Variants in RBFOX3 observed in about 807,000 individuals in gnomAD.
RBFOX3 encodes RNA binding protein fox-1 homolog 3.
A neutral mutation model predicts 48.7 loss-of-function variants in RBFOX3; 17 were observed. That is an observed-to-expected ratio of 0.35 (90% CI 0.24 to 0.52). The LOEUF is 0.52. Among genes scored for constraint, RBFOX3 ranks in the 20% least tolerant of loss-of-function variants. The pLI, the probability that RBFOX3 is intolerant of heterozygous loss-of-function variation, is 0.94. For synonymous variants in RBFOX3, 212 were observed against 209.5 expected, an observed-to-expected ratio of 1.01 and a Z score of -0.10; for missense variants, 382 against 497.5, an observed-to-expected ratio of 0.77 and a Z score of 2.21.
intron 4 of RBFOX3, among the ~76,000 whole-genome samples, chr17:79,138,731 A>ACGCACACAGCACG (rs1568206657): frequency 1.3e-5 from 1 of 79,056 alleles, no homozygotes; most frequent in African/African-American, 4.7e-5. Flanking sequence ...CCACACACGC[A>ACGCACACAGCACG]TGCACACAGC....
chr17:79,136,870 C>T (rs561753583), intron 4 of RBFOX3, among the ~76,000 whole-genome samples: 2 of 152,322 alleles, frequency 1.3e-5, no homozygotes, highest in East Asian at 1.9e-4. Flanking sequence ...CACCACCTGG[C>T]AGGGGCCACC....
chr17:79,181,132 G>A (rs1357087776), intron 4 of RBFOX3, among the ~76,000 whole-genome samples: 1 of 152,204 alleles, frequency 6.6e-6, no homozygotes. Flanking sequence ...CTCACATTCA[G>A]CCAGTGAGGA....
intron 5 of RBFOX3, 35 bp from the exon 6 acceptor site, chr17:79,106,823 C>G (rs1460406706): frequency 1.1e-5 from 16 of 1,486,442 alleles, no homozygotes; most frequent in African/African-American, 1.5e-5. Flanking sequence ...GAGGCTGCCT[C>G]TGTGTGCGGG....
At chr17:79,109,902 TG>T (rs2030219802) in intron 5 of RBFOX3, among the ~76,000 whole-genome samples, 1 of 151,746 alleles carries the variant, frequency 6.6e-6, no homozygotes, top group African/African-American at 2.4e-5. Flanking sequence ...GAGCCATGAG[TG>T]GGGCCAGGAC....
intron 14 of RBFOX3, among the ~76,000 whole-genome samples, chr17:79,093,790 G>GCCAC (rs1555681669): frequency 1.3e-5 from 1 of 76,486 alleles, no homozygotes; most frequent in Non-Finnish European, 2.7e-5. Context: ...TCAACAGCTG[G>GCCAC]CCACACACAC....
chr17:79,653,249 G>C, the RBFOX3 span, among the ~76,000 whole-genome samples: 1 of 152,128 alleles, frequency 6.6e-6, no homozygotes, highest in Non-Finnish European at 1.5e-5. Context: ...TCCTGGATGA[G>C]AGCCCTGCAG....
At chr17:79,463,792 C>T (rs1427504654) in intron 2 of RBFOX3, among the ~76,000 whole-genome samples, 5 of 151,466 alleles carry the variant, frequency 3.3e-5, no homozygotes, top group Admixed American at 1.3e-4. Context: ...CCTCCACCAC[C>T]ATCTCCACTG....
chr17:79,245,331 A>G (rs1175526588), intron 3 of RBFOX3, among the ~76,000 whole-genome samples: 1 of 152,170 alleles, frequency 6.6e-6, no homozygotes, highest in Non-Finnish European at 1.5e-5. Flanking sequence ...CGGTGGCCTC[A>G]CACAATTGGA....
chr17:79,194,989 T>C (rs1318682884), intron 4 of RBFOX3, among the ~76,000 whole-genome samples: 2 of 152,114 alleles, frequency 1.3e-5, no homozygotes, highest in Admixed American at 6.5e-5. Flanking sequence ...TATGCTTCTA[T>C]TGGGCAGCTC....
At chr17:79,144,247 G>A (rs1202024983) in intron 4 of RBFOX3, among the ~76,000 whole-genome samples, 3 of 152,236 alleles carry the variant, frequency 2.0e-5, no homozygotes, top group African/African-American at 7.2e-5. Context: ...CTGCTCTCGA[G>A]GCAGGATCCG....
chr17:79,520,376 G>A lies in RBFOX3; in HGVS notation c.-319-37778C>T, dbSNP rs1008381559. On this transcript the variant is annotated intron_variant, in intron 1 of 14. Transcript: ENST00000693108. The stretch of plus-strand genomic sequence containing the variant: ...CGGGGACAGCAGTGAGGACTAGAAG[G>A]AGCATGTCGGGCCAAGGCAGGGAGC... Among the ~76,000 whole-genome samples the A allele has an allele frequency of 4.6e-3, 705 of 152,348 alleles. 5 individuals carry two copies. The highest frequency in any genetic ancestry group is 0.016 in the African/African-American group (669 of 41,584).
intron 2 of RBFOX3, among the ~76,000 whole-genome samples, chr17:79,455,970 C>T (rs2074408359): frequency 6.6e-6 from 1 of 152,256 alleles, no homozygotes; most frequent in Non-Finnish European, 1.5e-5. Flanking sequence ...GGCTCCACCC[C>T]AAACCTCAAG....
intron 3 of RBFOX3, among the ~76,000 whole-genome samples, chr17:79,271,670 C>T (rs372614696): frequency 1.5e-4 from 23 of 152,324 alleles, no homozygotes; most frequent in African/African-American, 2.4e-4. Context: ...TCTGACCCTG[C>T]GGCTACTTCC....
Position 79,362,645 on chromosome 17 carries a change from G to A in RBFOX3, c.-174-54821C>T, listed in dbSNP as rs547824139. 2.0e-5 allele frequency among the ~76,000 whole-genome samples: 3 copies of A among 152,298 alleles called. No homozygotes were observed. Among genetic ancestry groups the A allele is most frequent in the South Asian group, 2.1e-4 (1 of 4,826 alleles). ...CTGGCGCCCCAGGAAAATGAGAGCCGGCCTGCCGGGCAATTGCTTCCTGTG... is the reference window on the plus strand; with the variant it reads ...CTGGCGCCCCAGGAAAATGAGAGCCAGCCTGCCGGGCAATTGCTTCCTGTG... On this transcript the variant is annotated intron_variant, in intron 2 of 14. Coordinates refer to ENST00000693108, the MANE Select transcript of RBFOX3 (RefSeq NM_001350451.2). This position sits in a 1 kb window ranked among gnomAD's most constrained non-coding sequence, Gnocchi z 4.2.
chr17:79,114,717 C>T lies in RBFOX3; in HGVS notation c.222+777G>A, dbSNP rs146772147. On this transcript the variant is annotated intron_variant, in intron 5 of 14. Transcript: ENST00000693108. ...CATCCAGCGGCTGGGACAGGGCCAG[C>T]GGGGACAGTTGGATGAACCTGGAGC... Among the ~76,000 whole-genome samples, 457 of 152,198 alleles carry T rather than the reference C, an allele frequency of 3.0e-3. 3 individuals are homozygous for T. The highest frequency in any genetic ancestry group is 0.01 in the African/African-American group (433 of 41,518).
chr17:79,639,511 A>G, the RBFOX3 span, among the ~76,000 whole-genome samples: 1 of 152,186 alleles, frequency 6.6e-6, no homozygotes, highest in Non-Finnish European at 1.5e-5. Flanking sequence ...TCACCCTAAT[A>G]GCACAGTCAG....
chr17:79,128,239 A>ACGTCCTC (rs1393223678), intron 4 of RBFOX3, among the ~76,000 whole-genome samples: 1 of 152,206 alleles, frequency 6.6e-6, no homozygotes, highest in African/African-American at 2.4e-5. Context: ...AAGGCTGGGC[A>ACGTCCTC]CGTCCTCCTG....
intron 4 of RBFOX3, among the ~76,000 whole-genome samples, chr17:79,162,622 C>T (rs947020313): frequency 6.6e-6 from 1 of 152,208 alleles, no homozygotes; most frequent in African/African-American, 2.4e-5. Context: ...TTGTAACAAT[C>T]GCGCAGTTAA....
chr17:79,217,223 T>C (rs145834267), intron 4 of RBFOX3, among the ~76,000 whole-genome samples: 120 of 152,352 alleles, frequency 7.9e-4, no homozygotes, highest in African/African-American at 2.6e-3. Flanking sequence ...ACAGAAATCA[T>C]TGGCCGCAAG....
Sources: gnomAD v4.1 joint callset for allele counts (sites outside exome capture counted in the v4.1 genomes callset) on GRCh38, gnomAD v4.1.1 for gene constraint, Gnocchi (gnomAD v3.1) non-coding constraint, MANE v1.5 for transcripts, NCBI Gene and HGNC (gene_info 2026-07-23, HGNC 2026-07-21) for gene names.